The following ZRANB2 variants were observed in gnomAD, a reference collection of about 807,000 sequenced individuals.
ZRANB2 encodes zinc finger Ran-binding domain-containing protein 2.
ZRANB2 carries 19 observed loss-of-function variants against 53.4 expected under a neutral mutation model. That is an observed-to-expected ratio of 0.36 (90% confidence interval 0.25 to 0.52). The LOEUF is 0.52. Among genes scored for constraint, ZRANB2 ranks in the 20% least tolerant of loss-of-function variants. ZRANB2 has a pLI of 0.93. For synonymous variants in ZRANB2, 145 were observed against 134.8 expected, an observed-to-expected ratio of 1.08 and a Z score of -0.52; for missense variants, 309 against 401.1, an observed-to-expected ratio of 0.77 and a Z score of 1.96.
Position 71,064,970 on chromosome 1 carries a change from T to G in ZRANB2, c.*104A>C. The G allele has an allele frequency of 1.5e-6, 1 of 668,550 alleles. No homozygotes were observed. The highest frequency in any genetic ancestry group is 2.6e-6 in the Non-Finnish European group (1 of 389,602). 41.4% of individuals were successfully genotyped at this position (668,550 alleles called of 1,614,324 possible). A position where few individuals can be genotyped will look rare whatever the true frequency, so the allele number is the denominator to read the frequency against. The stretch of plus-strand genomic sequence containing the variant: ...TGAAAAGCAATGAAAGGCATGCACC[T>G]CTACTAGCAGATTTAGCACTTCTGA... On this transcript the variant is annotated 3_prime_UTR_variant, in exon 10 of 10. Coordinates refer to ENST00000370920, the MANE Select transcript of ZRANB2 (RefSeq NM_203350.3).
chr1:71,065,810 T>C, intron 9 of ZRANB2: 1 of 1,598,836 alleles, frequency 6.3e-7, no homozygotes, highest in Non-Finnish European at 8.5e-7. Flanking sequence ...AGGGGGATTA[T>C]ATGTGGCTAA....
chr1:71,066,656 T>G, intron 9 of ZRANB2, 120 bp downstream of exon 9: 1 of 1,069,268 alleles, frequency 9.4e-7, no homozygotes, highest in East Asian at 2.7e-5. Flanking sequence ...AGTTCAAAGT[T>G]GAAAAGTAGA....
chr1:71,077,682 T>C (rs1019723473), intron 3 of ZRANB2, among the ~76,000 whole-genome samples: 1 of 152,172 alleles, frequency 6.6e-6, no homozygotes, highest in African/African-American at 2.4e-5. Flanking sequence ...GGTAAAACCC[T>C]GTCTCTACCA....
intron 4 of ZRANB2, among the ~76,000 whole-genome samples, 173 bp from the exon 5 acceptor site, chr1:71,072,721 G>A (rs142032757): frequency 4.0e-4 from 61 of 152,156 alleles, no homozygotes; most frequent in African/African-American, 1.3e-3. Flanking sequence ...AAAATACAGA[G>A]AACTTAGTTG....
At position 71,070,983 on chromosome 1, in the gene ZRANB2, T is replaced by A. The variant is rs1435652171; in HGVS notation, c.527A>T (p.Asp176Val). ...ATTATATTTTGAGAGATCAGCGTCATCTTCATCCTCATCCTAACAAAAATT... is the reference window on the plus strand; with the variant it reads ...ATTATATTTTGAGAGATCAGCGTCAACTTCATCCTCATCCTAACAAAAATT... ...KYKLDEDEDE[D>V]DADLSKYNLD... The change falls in exon 7 of 10, where the codon GAT (aspartate) becomes GTT (valine). Residue 176 changes from aspartate (D) to valine (V), a missense_variant. Asp to Val is a radical substitution (Grantham distance 152). Around this residue, in one of 3 missense-constraint regions of ZRANB2, gnomAD observed 211 missense variants for 196.1 expected, o/e 1.08. Transcript: ENST00000370920. 1.3e-6 allele frequency: 2 copies of A among 1,576,636 alleles called. No homozygotes were observed. Among genetic ancestry groups the A allele is most frequent in the East Asian group, 4.5e-5 (2 of 44,284 alleles).
rs924641099 is a variant in ZRANB2 at position 71,076,696 on chromosome 1, C to T, written c.301+99G>A. The T allele has an allele frequency of 9.0e-6, 8 of 886,318 alleles. No individual in the cohort carries two copies. The African/African-American group carries it at 1.4e-4, about 15-fold the overall frequency. 54.9% of individuals were successfully genotyped at this position (886,318 alleles called of 1,614,324 possible). The stretch of plus-strand genomic sequence containing the variant: ...CATTCAGGGCAGAATAAACAGAATC[C>T]TCACTTACTGTGGCTCTTACTCGAA... On this transcript the variant is annotated intron_variant, in intron 4 of 9. Coordinates refer to ENST00000370920, the MANE Select transcript of ZRANB2 (RefSeq NM_203350.3).
At chr1:71,066,457 C>T (rs1661440364) in intron 9 of ZRANB2, 1 of 205,338 alleles carries the variant, frequency 4.9e-6, no homozygotes, top group Admixed American at 6.0e-5. Flanking sequence ...TAAAAGTCAA[C>T]TCATAAATTA....
intron 9 of ZRANB2, chr1:71,065,787 A>G: frequency 6.2e-7 from 1 of 1,610,788 alleles, no homozygotes; most frequent in South Asian, 1.1e-5. Context: ...TTAAGTTTAG[A>G]TGACAACAAA....
In ZRANB2 at chr1:71,069,306, T is replaced by C; in HGVS notation, c.740A>G (p.Glu247Gly). ...TTTCGACCCACGAGATCTCGAACGT[T>C]CTCTGGAACTGGAACGAGATCTTGA... ...SQSRSRSSSR[E>G]RSRSRGSKSR... is the part of the protein sequence containing the mutation. Residue 247 changes from glutamate to glycine, a missense_variant, in exon 8 of 10, where the codon GAA becomes GGA. Physicochemically the swap from Glu to Gly is moderately conservative, Grantham distance 98. This residue lies in a region of ZRANB2 where 211 missense variants were observed against 196.1 expected (regional missense o/e 1.08). Transcript: ENST00000370920. The C allele has an allele frequency of 6.2e-7, 1 of 1,612,874 alleles. No homozygotes were observed. Among genetic ancestry groups the C allele is most frequent in the Non-Finnish European group, 8.5e-7 (1 of 1,179,358 alleles).
chr1:71,065,758 G>A lies in ZRANB2; in HGVS notation c.930-621C>T, dbSNP rs767824299. On this transcript the variant is annotated intron_variant, in intron 9 of 9. Transcript: ENST00000370920. Reference sequence around the variant, plus strand: ...TGTTTTCACCAATCACCTGGCTTATGGAATAGAGAACATGTTCATTAAGTT... The same window carrying A: ...TGTTTTCACCAATCACCTGGCTTATAGAATAGAGAACATGTTCATTAAGTT... The A allele has an allele frequency of 2.5e-6, 4 of 1,612,330 alleles. 1 individual carries two copies. The highest frequency in any genetic ancestry group is 1.7e-4 in the Middle Eastern group (1 of 6,054).
At position 71,081,021 on chromosome 1, in the gene ZRANB2, C is replaced by T. The variant is rs531825188; in HGVS notation, c.-26G>A. On this transcript the variant is annotated 5_prime_UTR_variant, in exon 1 of 10. Coordinates refer to ENST00000370920, the MANE Select transcript of ZRANB2 (RefSeq NM_203350.3). ...CTTGAACGCCACCAGCACAGCCACC[C>T]GCAGCTATGTCTTCACAGGAGGAAA... 4.3e-6 allele frequency: 7 copies of T among 1,614,052 alleles called. No homozygotes were observed. Among genetic ancestry groups the T allele is most frequent in the Middle Eastern group, 1.7e-4 (1 of 6,060 alleles).
At chr1:71,069,552 T>C (rs1195081517) in intron 7 of ZRANB2, 190 bp from the exon 8 acceptor site, 1 of 418,478 alleles carries the variant, frequency 2.4e-6, no homozygotes, top group African/African-American at 2.1e-5. Context: ...TAAAAAAATA[T>C]CACTTTCCAG....
chr1:71,077,763 A>G (rs1661739878), intron 3 of ZRANB2, among the ~76,000 whole-genome samples: 1 of 152,166 alleles, frequency 6.6e-6, no homozygotes, highest in South Asian at 2.1e-4. Flanking sequence ...GGCTGAAGTG[A>G]GAGGATTGCT....
intron 8 of ZRANB2, chr1:71,067,695 A>T: frequency 2.3e-6 from 1 of 430,228 alleles, no homozygotes; most frequent in Non-Finnish European, 4.7e-6. Context: ...CAAAAGGAGA[A>T]TTCTTTGGAA....
chr1:71,070,859 T>C lies in ZRANB2; in HGVS notation c.651A>G (p.Ser217=), dbSNP rs761117712. 6 of 1,605,140 alleles carry C rather than the reference T, an allele frequency of 3.7e-6. No individual in the cohort carries two copies. Among genetic ancestry groups the C allele is most frequent in the Non-Finnish European group, 4.3e-6 (5 of 1,175,224 alleles). Residue 217 remains serine, a synonymous_variant, in exon 7 of 10, where the codon TCA becomes TCG. Transcript: ENST00000370920. ...TAGACCTTGAACTTGAGGGGGAGGA[T>C]GAGCGTGATGAAGATCGTGAATGTG... ...RSSHSRSSSR[S]SSPSSSRSRS... is the part of the protein sequence containing the mutation.
At position 71,076,919 on chromosome 1, in the gene ZRANB2, G is replaced by A. The variant is rs766689871; in HGVS notation, c.219-42C>T. Reference sequence around the variant, plus strand: ...TACTAAATTAGTAGGCTATAATATAGATGAATATCAAATTTTTAGATATTT... The same window carrying A: ...TACTAAATTAGTAGGCTATAATATAAATGAATATCAAATTTTTAGATATTT... On this transcript the variant is annotated intron_variant, in intron 3 of 9. Transcript: ENST00000370920. 4 of 1,361,454 alleles carry A rather than the reference G, an allele frequency of 2.9e-6. No individual in the cohort carries two copies. The South Asian group carries it at 3.8e-5, about 13-fold the overall frequency. The allele number at this position is 1,361,454 out of a possible 1,614,324, so 84.3% of individuals were successfully genotyped here.
chr1:71,071,597 C>A (rs1261911585), intron 6 of ZRANB2, among the ~76,000 whole-genome samples: 2 of 151,820 alleles, frequency 1.3e-5, no homozygotes, highest in African/African-American at 4.8e-5. Context: ...TGTGTGCTGT[C>A]CCCCTCATCT....
chr1:71,080,066 T>C (rs1463884443), intron 1 of ZRANB2, among the ~76,000 whole-genome samples: 4 of 152,220 alleles, frequency 2.6e-5, no homozygotes, highest in Admixed American at 6.5e-5. Context: ...CCCAGGTTTA[T>C]TTCAAAGTTT....
intron 7 of ZRANB2, among the ~76,000 whole-genome samples, chr1:71,070,152 ATCAC>A (rs1204691475): frequency 2.0e-5 from 3 of 152,166 alleles, no homozygotes; most frequent in Non-Finnish European, 4.4e-5. Flanking sequence ...TGCCCATGCC[ATCAC>A]TTAACTGTGA....
Sources: gnomAD v4.1 joint callset for allele counts (sites outside exome capture counted in the v4.1 genomes callset) on GRCh38, gnomAD v4.1.1 for gene constraint, gnomAD v4.1.1 regional missense constraint, MANE v1.5 for transcripts, NCBI Gene and HGNC (gene_info 2026-07-23, HGNC 2026-07-21) for gene names.